GABRB1: variants seen among roughly 807,000 people sequenced by gnomAD.
GABRB1 encodes the protein gamma-aminobutyric acid type A receptor subunit beta1.
In GABRB1, 17 loss-of-function variants were observed where a neutral mutation model predicts 51.6. The ratio of observed to expected loss-of-function variants is 0.33; its 90% CI spans 0.23 to 0.49. The LOEUF (loss-of-function observed/expected upper bound fraction) is 0.49. Ranked by LOEUF, GABRB1 falls within the 20% of genes least tolerant of loss-of-function variation. The pLI is 0.99. For synonymous variants in GABRB1, 247 were observed against 218.9 expected, an observed-to-expected ratio of 1.13 and a Z score of -1.14; for missense variants, 410 against 600.6, an observed-to-expected ratio of 0.68 and a Z score of 3.32.
At chr4:47,295,183 C>T (rs1336078432) in intron 4 of GABRB1, among the ~76,000 whole-genome samples, 5 of 152,134 alleles carry the variant, frequency 3.3e-5, no homozygotes, top group Admixed American at 3.3e-4. Flanking sequence ...AAACTGGAAA[C>T]TCTAAAAAGC....
At chr4:47,105,548 C>G (rs1313371366) in intron 3 of GABRB1, among the ~76,000 whole-genome samples, 1 of 152,132 alleles carries the variant, frequency 6.6e-6, no homozygotes, top group African/African-American at 2.4e-5. Flanking sequence ...TGTTATATTC[C>G]TGTTCCTTGA....
At chr4:47,296,894 A>C (rs1243394377) in intron 4 of GABRB1, among the ~76,000 whole-genome samples, 2 of 152,242 alleles carry the variant, frequency 1.3e-5, no homozygotes, top group Non-Finnish European at 2.9e-5. Flanking sequence ...AAGAACGGAA[A>C]TTATAACAAA....
chr4:47,159,279 C>G (rs1560564098), intron 3 of GABRB1, among the ~76,000 whole-genome samples: 1 of 151,558 alleles, frequency 6.6e-6, no homozygotes, highest in Non-Finnish European at 1.5e-5. Context: ...GAGACTGTCT[C>G]TAAAAGAAAA....
chr4:47,355,138 G>A (rs1253089537), intron 5 of GABRB1, among the ~76,000 whole-genome samples: 2 of 151,196 alleles, frequency 1.3e-5, no homozygotes, highest in African/African-American at 2.4e-5. Flanking sequence ...GGGACCACAC[G>A]CCCAGCTAAT....
chr4:47,402,913 C>T (rs1274645679), intron 5 of GABRB1, among the ~76,000 whole-genome samples: 1 of 152,128 alleles, frequency 6.6e-6, no homozygotes, highest in Admixed American at 6.5e-5. Flanking sequence ...ATCTGTTATC[C>T]ATTTAACAAA....
At chr4:47,022,850 A>C (rs1724965919) in intron 1 of GABRB1, among the ~76,000 whole-genome samples, 1 of 152,126 alleles carries the variant, frequency 6.6e-6, no homozygotes, top group Admixed American at 6.6e-5. Context: ...GAAAATCAGT[A>C]TATCAAAGAG....
intron 3 of GABRB1, among the ~76,000 whole-genome samples, chr4:47,134,105 A>G (rs1358826205): frequency 1.3e-5 from 2 of 152,180 alleles, no homozygotes; most frequent in African/African-American, 2.4e-5. Context: ...ATGCATTGCT[A>G]TTTATAAGTT....
At position 47,086,245 on chromosome 4, in the gene GABRB1, A is replaced by G. The variant is rs1162941819; in HGVS notation, c.240+53761A>G. Among the ~76,000 whole-genome samples, 3 of 152,236 alleles carry G rather than the reference A, an allele frequency of 2.0e-5. No homozygotes were observed. In the East Asian group the frequency reaches 5.8e-4, roughly 29 times the overall value. ...CATGTTTGCGGGTTCTTCGTTAAAT[A>G]TTCAGCTCTTCAAAGATAAATACAT... On this transcript the variant is annotated intron_variant, in intron 3 of 8. Transcript: ENST00000295454.
chr4:47,332,776 G>C (rs573461757), intron 5 of GABRB1, among the ~76,000 whole-genome samples: 1 of 151,592 alleles, frequency 6.6e-6, no homozygotes, highest in South Asian at 2.1e-4. Flanking sequence ...AATAGACCCA[G>C]TTCTCTAAAT....
intron 3 of GABRB1, among the ~76,000 whole-genome samples, chr4:47,055,596 C>T (rs1249566839): frequency 6.6e-6 from 1 of 152,122 alleles, no homozygotes; most frequent in Admixed American, 6.5e-5. Flanking sequence ...AGAGATGGAG[C>T]CACCAGGTGA....
intron 4 of GABRB1, among the ~76,000 whole-genome samples, chr4:47,301,645 A>AAC (rs72597180): frequency 6.6e-6 from 1 of 151,576 alleles, no homozygotes; most frequent in African/African-American, 2.4e-5. Flanking sequence ...AAAAAAAAAA[A>AAC]ACATTTCAAT....
intron 5 of GABRB1, among the ~76,000 whole-genome samples, chr4:47,353,064 A>C (rs1011047426): frequency 1.3e-5 from 2 of 152,196 alleles, no homozygotes; most frequent in African/African-American, 4.8e-5. Flanking sequence ...AGCAAGAGAA[A>C]ATAAGGAAGA....
intron 5 of GABRB1, among the ~76,000 whole-genome samples, chr4:47,357,701 C>T (rs1370679670): frequency 6.6e-6 from 1 of 152,124 alleles, no homozygotes; most frequent in Non-Finnish European, 1.5e-5. Flanking sequence ...GTTGATGGTA[C>T]AAGTAATGTT....
At chr4:47,049,765 T>C (rs1480752067) in intron 3 of GABRB1, among the ~76,000 whole-genome samples, 1 of 152,186 alleles carries the variant, frequency 6.6e-6, no homozygotes, top group East Asian at 1.9e-4. Context: ...TTACTGCAGA[T>C]GAACAGTATA....
intron 4 of GABRB1, among the ~76,000 whole-genome samples, chr4:47,208,417 G>GA (rs1478933297): frequency 6.6e-6 from 1 of 151,982 alleles, no homozygotes; most frequent in Non-Finnish European, 1.5e-5. Context: ...AGATAATAGT[G>GA]ATAGTTGTAT....
intron 4 of GABRB1, among the ~76,000 whole-genome samples, chr4:47,296,396 A>C (rs905932472): frequency 3.5e-4 from 53 of 152,216 alleles, no homozygotes; most frequent in Non-Finnish European, 6.5e-4. Context: ...TAGGCTCAAA[A>C]TACAAGGATG....
At chr4:47,265,696 T>A (rs960893669) in intron 4 of GABRB1, among the ~76,000 whole-genome samples, 2 of 152,206 alleles carry the variant, frequency 1.3e-5, no homozygotes, top group South Asian at 4.1e-4. Context: ...GGATTAGTGA[T>A]GTTGAGCATT....
intron 4 of GABRB1, among the ~76,000 whole-genome samples, chr4:47,300,525 C>T (rs1280870531): frequency 6.6e-6 from 1 of 152,060 alleles, no homozygotes; most frequent in Admixed American, 6.6e-5. Context: ...TATATTAGCA[C>T]TTATTTATCT....
At chr4:47,140,732 C>A (rs1016413831) in intron 3 of GABRB1, among the ~76,000 whole-genome samples, 2 of 151,080 alleles carry the variant, frequency 1.3e-5, no homozygotes, top group Non-Finnish European at 3.0e-5. Context: ...TATTTATTTG[C>A]TCTTTCCTGT....
Sources: allele counts gnomAD v4.1 joint callset (sites outside exome capture counted in the v4.1 genomes callset), GRCh38; gene constraint gnomAD v4.1.1; transcripts MANE v1.5; gene names NCBI Gene and HGNC (gene_info 2026-07-23, HGNC 2026-07-21).